LCP1: variants seen among roughly 807,000 people sequenced by gnomAD.
LCP1 encodes lymphocyte cytosolic protein 1.
LCP1 carries 23 observed loss-of-function variants against 72.0 expected under a neutral mutation model. The observed-to-expected ratio is 0.32, with a 90% CI of 0.23 to 0.45. The LOEUF (loss-of-function observed/expected upper bound fraction) is 0.45, where lower values mean the gene tolerates loss of function less well. Among genes scored for constraint, LCP1 ranks in the 20% least tolerant of loss-of-function variants. The pLI, the probability that LCP1 is intolerant of heterozygous loss-of-function variation, is 1.00. For missense variants in LCP1, 571 were observed against 748.3 expected, an observed-to-expected ratio of 0.76 and a Z score of 2.76; for synonymous variants, 245 against 275.4, an observed-to-expected ratio of 0.89 and a Z score of 1.09.
chr13:46,165,999 A>G (rs2045874316), intron 1 of LCP1, among the ~76,000 whole-genome samples: 1 of 152,306 alleles, frequency 6.6e-6, no homozygotes, highest in East Asian at 1.9e-4. Context: ...AAAAGCCACA[A>G]AGCCTGTTCA....
At chr13:46,128,027 A>G (rs1315604016) in intron 15 of LCP1, among the ~76,000 whole-genome samples, 1 of 142,264 alleles carries the variant, frequency 7.0e-6, no homozygotes, top group African/African-American at 2.6e-5. Flanking sequence ...TTTTGTAGAG[A>G]CAGGGGTCTC....
rs1266603265 is a variant in LCP1 at position 46,147,083 on chromosome 13, C to T, written c.999G>A (p.Arg333=). 7.5e-6 allele frequency: 12 copies of T among 1,597,022 alleles called. No individual in the cohort carries two copies. The highest frequency in any genetic ancestry group is 4.3e-6 in the Non-Finnish European group (5 of 1,172,844). ...SGLREKDDIQ[R]AECMLQQAER... is the part of the protein sequence containing the mutation. Reference sequence around the variant, plus strand: ...CCGCCTGCTGCAGCATGCATTCTGCCCTCTGGATGTCATCCTTCTCCTGCA... The same window carrying T: ...CCGCCTGCTGCAGCATGCATTCTGCTCTCTGGATGTCATCCTTCTCCTGCA... Residue 333 remains arginine, a synonymous_variant, in exon 10 of 16, where the codon AGG becomes AGA. Coordinates refer to ENST00000323076, the MANE Select transcript of LCP1 (RefSeq NM_002298.5).
In LCP1 at chr13:46,152,822, T is replaced by G; in HGVS notation, c.697A>C (p.Lys233Gln). The G allele has an allele frequency of 1.2e-6, 2 of 1,614,090 alleles. No homozygotes were observed. Among genetic ancestry groups the G allele is most frequent in the Non-Finnish European group, 1.7e-6 (2 of 1,180,026 alleles). The part of the protein sequence containing the change: ...LVLGLLWQVI[K>Q]IGLFADIELS... ...TCAATGTCAGCAAACAACCCAATCTTGATGACTTGCCACAGAAGTCCCAGG... is the reference window on the plus strand; with the variant it reads ...TCAATGTCAGCAAACAACCCAATCTGGATGACTTGCCACAGAAGTCCCAGG... Residue 233 changes from lysine to glutamine, a missense_variant, in exon 7 of 16, where the codon AAG becomes CAG. Coordinates refer to ENST00000323076, the MANE Select transcript of LCP1 (RefSeq NM_002298.5).
intron 1 of LCP1, among the ~76,000 whole-genome samples, chr13:46,170,520 G>A (rs1194078802): frequency 6.6e-6 from 1 of 152,222 alleles, no homozygotes; most frequent in Admixed American, 6.5e-5. Context: ...AGGTGGGAGG[G>A]AAAGGAACCT....
chr13:46,131,066 G>A (rs1421999351), intron 14 of LCP1, 128 bp from the exon 15 acceptor site: 6 of 922,314 alleles, frequency 6.5e-6, no homozygotes, highest in African/African-American at 1.7e-5. Flanking sequence ...AAATGCAGCA[G>A]TATTCCACAT....
intron 11 of LCP1, among the ~76,000 whole-genome samples, chr13:46,144,075 G>T (rs1318457638): frequency 6.6e-6 from 1 of 151,444 alleles, no homozygotes; most frequent in Non-Finnish European, 1.5e-5. Flanking sequence ...CAAAAAAAAA[G>T]AAATATTGAA....
chr13:46,144,827 A>C (rs141842805), intron 10 of LCP1, among the ~76,000 whole-genome samples: 12 of 152,334 alleles, frequency 7.9e-5, no homozygotes, highest in African/African-American at 2.9e-4. Context: ...CATCAAACAG[A>C]GATCATACAA....
In LCP1 at chr13:46,143,248, A is replaced by T. The variant is rs370717425; in HGVS notation, c.1368+42T>A. ...ATTTAGAGTGCTCTTGCAGGCTATG[A>T]CTTTGCCTGTCTCCTGGAACAACAG... On this transcript the variant is annotated intron_variant, in intron 12 of 15. Transcript: ENST00000323076. The T allele has an allele frequency of 1.6e-4, 221 of 1,347,486 alleles. 2 individuals carry two copies. The South Asian group carries it at 2.4e-3, about 15-fold the overall frequency. The allele number at this position is 1,347,486 out of a possible 1,614,324, so 83.5% of individuals were successfully genotyped here.
At chr13:46,144,898 A>G (rs1441258913) in intron 10 of LCP1, among the ~76,000 whole-genome samples, 2 of 152,224 alleles carry the variant, frequency 1.3e-5, no homozygotes, top group Non-Finnish European at 2.9e-5. Flanking sequence ...AGGGAAAAGA[A>G]CAGTATGGAC....
At chr13:46,140,675 A>G (rs1009162273) in intron 13 of LCP1, among the ~76,000 whole-genome samples, 2 of 152,218 alleles carry the variant, frequency 1.3e-5, no homozygotes, top group Non-Finnish European at 2.9e-5. Flanking sequence ...ATAAAAATAA[A>G]TTAGTAGAAA....
chr13:46,162,382 C>T (rs2138268042), intron 1 of LCP1, among the ~76,000 whole-genome samples: 1 of 151,764 alleles, frequency 6.6e-6, no homozygotes, highest in Non-Finnish European at 1.5e-5. Context: ...GCCGTATGGG[C>T]TCACTGCAAC....
chr13:46,177,275 G>T (rs1468388760), intron 1 of LCP1, among the ~76,000 whole-genome samples: 1 of 152,208 alleles, frequency 6.6e-6, no homozygotes, highest in Admixed American at 6.5e-5. Flanking sequence ...ATAAAAAGTA[G>T]AATGTTTAAT....
At position 46,159,668 on chromosome 13, in the gene LCP1, A is replaced by T. The variant is rs2045825765; in HGVS notation, c.-6T>A. 6.2e-7 allele frequency: 1 copy of T among 1,612,886 alleles called. No homozygotes were observed. The highest frequency in any genetic ancestry group is 1.3e-5 in the African/African-American group (1 of 74,872). Reference sequence around the variant, plus strand: ...GACACTGATCCTCTGGCCATTTTTTATTGCTTTAGGTAACAGATCTGGAGA... The same window carrying T: ...GACACTGATCCTCTGGCCATTTTTTTTTGCTTTAGGTAACAGATCTGGAGA... On this transcript the variant is annotated 5_prime_UTR_variant, in exon 2 of 16. Coordinates refer to ENST00000323076, the MANE Select transcript of LCP1 (RefSeq NM_002298.5).
At chr13:46,178,453 C>G (rs562255336) in intron 1 of LCP1, among the ~76,000 whole-genome samples, 2 of 152,236 alleles carry the variant, frequency 1.3e-5, no homozygotes, top group African/African-American at 4.8e-5. Context: ...GGGAACACCA[C>G]GGCCACAGCA....
At chr13:46,161,690 C>T (rs2045839344) in intron 1 of LCP1, among the ~76,000 whole-genome samples, 1 of 152,048 alleles carries the variant, frequency 6.6e-6, no homozygotes, top group South Asian at 2.1e-4. Context: ...AGAGTTAAAC[C>T]AACTAAATGA....
intron 13 of LCP1, 72 bp from the exon 14 acceptor site, chr13:46,134,322 G>A: frequency 2.0e-6 from 3 of 1,502,662 alleles, no homozygotes; most frequent in South Asian, 2.4e-5. Context: ...AGTAGCTAAG[G>A]ATGGAATTTT....
intron 2 of LCP1, 140 bp downstream of exon 2, chr13:46,159,459 T>C (rs1369450746): frequency 1.5e-6 from 1 of 655,012 alleles, no homozygotes; most frequent in East Asian, 2.6e-5. Flanking sequence ...AAAAATAAGT[T>C]CTCCCAGCTC....
chr13:46,129,321 G>C (rs754332774), intron 15 of LCP1, among the ~76,000 whole-genome samples: 4 of 152,178 alleles, frequency 2.6e-5, no homozygotes, highest in African/African-American at 9.7e-5. Context: ...GCCTTGGCAA[G>C]TTTCTTAAAC....
At position 46,158,997 on chromosome 13, in the gene LCP1, G is replaced by A; in HGVS notation, c.65-8C>T. ...ATCCATTGCCATCAGTATCTGTAAT[G>A]TACACAATATACTGAAGCTTCAGGA... On this transcript the variant is annotated splice_region_variant and splice_polypyrimidine_tract_variant and intron_variant, in intron 2 of 15. Coordinates refer to ENST00000323076, the MANE Select transcript of LCP1 (RefSeq NM_002298.5). 1 of 1,613,530 alleles carries A rather than the reference G, an allele frequency of 6.2e-7. No individual in the cohort carries two copies. The highest frequency in any genetic ancestry group is 1.3e-5 in the African/African-American group (1 of 75,040).
Sources: allele counts gnomAD v4.1 joint callset (sites outside exome capture counted in the v4.1 genomes callset), GRCh38; gene constraint gnomAD v4.1.1; transcripts MANE v1.5; gene names NCBI Gene and HGNC (gene_info 2026-07-23, HGNC 2026-07-21).